Variants in SEPTIN11 observed in about 807,000 individuals in gnomAD.
SEPTIN11 encodes septin-11.
In SEPTIN11, 25 loss-of-function variants were observed where a neutral mutation model predicts 51.4. That is an observed-to-expected ratio of 0.49 (90% CI 0.35 to 0.68). The LOEUF (loss-of-function observed/expected upper bound fraction) is 0.68. Among genes scored for constraint, SEPTIN11 ranks in the 30% least tolerant of loss-of-function variants. The pLI is 0.00. For synonymous variants in SEPTIN11, 174 were observed against 184.1 expected (o/e 0.95, Z 0.44); for missense variants, 381 against 520.8 (o/e 0.73, Z 2.61).
rs1727086864 is a variant in SEPTIN11, at chr4:77,037,133, G to C, written c.*2621G>C. ...TCCCAGCACTTTGAGAGGCCGAGGT[G>C]GGCAGATCACTTGAGGCCTGGAGTT... On this transcript the variant is annotated 3_prime_UTR_variant, in exon 10 of 10. Coordinates refer to ENST00000264893, the MANE Select transcript of SEPTIN11 (RefSeq NM_018243.4). 1.1e-6 allele frequency: 1 copy of C among 917,788 alleles called. No individual in the cohort carries two copies. The highest frequency in any genetic ancestry group is 1.3e-6 in the Non-Finnish European group (1 of 760,654). The allele number at this position is 917,788 out of a possible 1,614,324, so 56.9% of individuals were successfully genotyped here.
At chr4:77,022,835 C>T (rs1399912850) in intron 7 of SEPTIN11, among the ~76,000 whole-genome samples, 1 of 152,196 alleles carries the variant, frequency 6.6e-6, no homozygotes, top group African/African-American at 2.4e-5. Flanking sequence ...TGATGCTATC[C>T]TTAGCTATCT....
intron 2 of SEPTIN11, among the ~76,000 whole-genome samples, chr4:77,004,662 G>C (rs1724352927): frequency 6.6e-6 from 1 of 152,082 alleles, no homozygotes. Context: ...GTAGTACTAG[G>C]GTTTAAATGA....
chr4:77,002,438 T>A (rs531759580), intron 2 of SEPTIN11, among the ~76,000 whole-genome samples: 8 of 152,330 alleles, frequency 5.3e-5, no homozygotes, highest in African/African-American at 1.9e-4. Flanking sequence ...GTTAAGTAGG[T>A]CACTTTCTAC....
chr4:76,986,944 A>G (rs1245805889), intron 1 of SEPTIN11, among the ~76,000 whole-genome samples: 1 of 152,238 alleles, frequency 6.6e-6, no homozygotes, highest in Non-Finnish European at 1.5e-5. Context: ...CCAGCCCCAA[A>G]GAAAACCCCC....
intron 2 of SEPTIN11, among the ~76,000 whole-genome samples, chr4:77,000,650 T>G (rs1264102202): frequency 1.3e-5 from 2 of 152,212 alleles, no homozygotes; most frequent in East Asian, 3.8e-4. Flanking sequence ...ACAAAATGAT[T>G]GCTCCAGATG....
At chr4:77,007,538 C>A (rs868240062) in intron 3 of SEPTIN11, among the ~76,000 whole-genome samples, 1 of 152,242 alleles carries the variant, frequency 6.6e-6, no homozygotes, top group South Asian at 2.1e-4. Context: ...CTTTTCACTC[C>A]CCAATCAGCA....
chr4:76,959,018 A>G (rs1721688308), intron 1 of SEPTIN11: 1 of 756,580 alleles, frequency 1.3e-6, no homozygotes, highest in East Asian at 2.6e-5. Flanking sequence ...AAGGAATACC[A>G]TGTTGGAATA....
At chr4:77,015,336 G>T (rs1725145563) in intron 5 of SEPTIN11, among the ~76,000 whole-genome samples, 2 of 152,194 alleles carry the variant, frequency 1.3e-5, no homozygotes, top group South Asian at 2.1e-4. Flanking sequence ...ATCTGTGCTT[G>T]TTTCTACCAA....
chr4:77,017,261 C>G (rs953414140), intron 5 of SEPTIN11, among the ~76,000 whole-genome samples: 4 of 152,168 alleles, frequency 2.6e-5, no homozygotes, highest in African/African-American at 9.7e-5. Flanking sequence ...CTCTCTTTCT[C>G]TCTTTATCAG....
chr4:76,996,883 C>CTTT lies in SEPTIN11; in HGVS notation c.142+359_142+361dup, dbSNP rs567525535. On this transcript the variant is annotated intron_variant, in intron 2 of 9. Coordinates refer to ENST00000264893, the MANE Select transcript of SEPTIN11 (RefSeq NM_018243.4). The stretch of plus-strand genomic sequence containing the variant: ...TTTTTCTTCACCCCTCTAGCCATAT[C>CTTT]TTTTTTTTTTTTTTTTTGAGGAGTC... Among the ~76,000 whole-genome samples, 791 of 126,294 alleles carry CTTT rather than the reference C, an allele frequency of 6.3e-3. 26 individuals carry two copies. The highest frequency in any genetic ancestry group is 0.02 in the African/African-American group (665 of 33,816). 82.9% of individuals were successfully genotyped at this position (126,294 alleles called of 152,430 possible).
chr4:76,998,794 A>C (rs1440860987), intron 2 of SEPTIN11, among the ~76,000 whole-genome samples: 2 of 152,100 alleles, frequency 1.3e-5, no homozygotes, highest in Non-Finnish European at 2.9e-5. Flanking sequence ...TCACCAGCCG[A>C]GCAACCTCAG....
At chr4:76,989,675 C>G (rs996744735) in intron 1 of SEPTIN11, among the ~76,000 whole-genome samples, 1 of 152,186 alleles carries the variant, frequency 6.6e-6, no homozygotes. Context: ...CATATACAAC[C>G]GTGGTTCTGT....
chr4:76,986,175 A>G (rs1424782624), intron 1 of SEPTIN11, among the ~76,000 whole-genome samples: 1 of 152,130 alleles, frequency 6.6e-6, no homozygotes, highest in Non-Finnish European at 1.5e-5. Context: ...GTGGAGGTCT[A>G]TAACTGTGCA....
At position 76,994,953 on chromosome 4, in the gene SEPTIN11, G is replaced by A. The variant is rs368366083; in HGVS notation, c.28-1472G>A. Among the ~76,000 whole-genome samples the A allele has an allele frequency of 2.0e-4, 29 of 144,992 alleles. No homozygotes were observed. The South Asian group carries it at 6.1e-3, about 31-fold the overall frequency. On this transcript the variant is annotated intron_variant, in intron 1 of 9. Transcript: ENST00000264893. ...TAAATAAAATGGAACATTGAAGCTG[G>A]GAGTGGTGGCACATGCCTGTAGTCA...
Position 77,037,453 on chromosome 4 carries a change from C to A in SEPTIN11, c.*2941C>A. Reference sequence around the variant, plus strand: ...CAGAGGGCCCTTGATTCTGGCAAGGCAAATAAAGCCAGAATGAGAAATTAC... The same window carrying A: ...CAGAGGGCCCTTGATTCTGGCAAGGAAAATAAAGCCAGAATGAGAAATTAC... On this transcript the variant is annotated 3_prime_UTR_variant, in exon 10 of 10. Transcript: ENST00000264893. 2 of 985,162 alleles carry A rather than the reference C, an allele frequency of 2.0e-6. No individual in the cohort carries two copies. Among genetic ancestry groups the A allele is most frequent in the Non-Finnish European group, 2.4e-6 (2 of 829,816 alleles). The allele number at this position is 985,162 out of a possible 1,614,324, so 61.0% of individuals were successfully genotyped here.
At chr4:76,983,909 A>T (rs1388965272) in intron 1 of SEPTIN11, among the ~76,000 whole-genome samples, 2 of 152,172 alleles carry the variant, frequency 1.3e-5, no homozygotes, top group Non-Finnish European at 2.9e-5. Context: ...TCGGAAGCTG[A>T]GGCAGGAGAA....
Position 77,035,733 on chromosome 4 carries a change from C to T in SEPTIN11, c.*1221C>T. On this transcript the variant is annotated 3_prime_UTR_variant, in exon 10 of 10. Transcript: ENST00000264893. The stretch of plus-strand genomic sequence containing the variant: ...CTCCACCTGCTCTTTGTCTAAGGCC[C>T]TTGCCTCATCAGGGATTAGAACTGG... The T allele has an allele frequency of 7.1e-6, 7 of 985,900 alleles. No homozygotes were observed. The highest frequency in any genetic ancestry group is 8.4e-6 in the Non-Finnish European group (7 of 829,968). The allele number at this position is 985,900 out of a possible 1,614,324, so 61.1% of individuals were successfully genotyped here.
rs1249049811 is a variant in SEPTIN11, at chr4:77,038,388, GA to G, written c.*3878del. On this transcript the variant is annotated 3_prime_UTR_variant, in exon 10 of 10. Coordinates refer to ENST00000264893, the MANE Select transcript of SEPTIN11 (RefSeq NM_018243.4). The stretch of plus-strand genomic sequence containing the variant: ...GTAATCTACTTTCATTGTTAATGCA[GA>G]ATTGTCATATATGTAAGCTGCATGT... 1 of 985,674 alleles carries G rather than the reference GA, an allele frequency of 1.0e-6. No individual in the cohort carries two copies. The highest frequency in any genetic ancestry group is 1.2e-6 in the Non-Finnish European group (1 of 829,934). 61.1% of individuals were successfully genotyped at this position (985,674 alleles called of 1,614,324 possible).
In SEPTIN11 at chr4:77,011,820, T is replaced by A. The variant is rs1395707704; in HGVS notation, c.424T>A (p.Tyr142Asn). The A allele has an allele frequency of 6.2e-7, 1 of 1,614,132 alleles. No homozygotes were observed. The highest frequency in any genetic ancestry group is 1.3e-5 in the African/African-American group (1 of 75,044). Reference protein sequence around the residue: ...ELKIKRSLFNYHDTRIHACLY... With the variant: ...ELKIKRSLFNNHDTRIHACLY... ...GAAGATTAAACGTTCTCTCTTCAAC[T>A]ACCATGACACGAGGATCCATGCCTG... The change falls in exon 4 of 10, where the codon TAC becomes AAC. Residue 142 changes from tyrosine to asparagine, a missense_variant. Physicochemically the swap from Tyr to Asn is moderately radical, Grantham distance 143. Coordinates refer to ENST00000264893, the MANE Select transcript of SEPTIN11 (RefSeq NM_018243.4).
Sources: allele counts gnomAD v4.1 joint callset (sites outside exome capture counted in the v4.1 genomes callset), GRCh38; gene constraint gnomAD v4.1.1; transcripts MANE v1.5; gene names NCBI Gene and HGNC (gene_info 2026-07-23, HGNC 2026-07-21).